FBLN1: variants seen among roughly 807,000 people sequenced by gnomAD.
FBLN1 encodes the protein fibulin-1.
In FBLN1, 34 loss-of-function variants were observed where a neutral mutation model predicts 89.7. The ratio of observed to expected loss-of-function variants is 0.38; its 90% CI spans 0.29 to 0.50. The LOEUF (loss-of-function observed/expected upper bound fraction) is 0.50. Among genes scored for constraint, FBLN1 ranks in the 20% least tolerant of loss-of-function variants. The probability of loss-of-function intolerance (pLI) is 0.92; values close to 1 mark genes in which losing one functional copy is unlikely to be tolerated. For missense variants in FBLN1, 777 were observed against 988.1 expected (o/e 0.79, Z 2.86); for synonymous variants, 393 against 391.3 (o/e 1.00, Z -0.05).
chr22:45,506,309 C>T (rs1218852644), intron 1 of FBLN1, among the ~76,000 whole-genome samples: 8 of 152,204 alleles, frequency 5.3e-5, no homozygotes, highest in Admixed American at 4.6e-4. Context: ...AGCAGAAGGC[C>T]CCATGGGGCT....
chr22:45,510,924 G>T (rs1417631384), intron 1 of FBLN1, among the ~76,000 whole-genome samples: 1 of 152,198 alleles, frequency 6.6e-6, no homozygotes, highest in Non-Finnish European at 1.5e-5. Context: ...ATCTGCACCA[G>T]TTACTCCGGC....
At chr22:45,554,792 C>T (rs145240442) in intron 14 of FBLN1, among the ~76,000 whole-genome samples, 7 of 152,338 alleles carry the variant, frequency 4.6e-5, no homozygotes, top group African/African-American at 1.4e-4. Flanking sequence ...CTCAGGCAGC[C>T]ACCTTCAGAG....
At chr22:45,503,808 C>G (rs1361868088) in intron 1 of FBLN1, among the ~76,000 whole-genome samples, 1 of 152,184 alleles carries the variant, frequency 6.6e-6, no homozygotes, top group Non-Finnish European at 1.5e-5. Flanking sequence ...AAGAGCAGAT[C>G]TGATCGATGG....
At chr22:45,507,531 T>TTTA (rs2088038508) in intron 1 of FBLN1, among the ~76,000 whole-genome samples, 1 of 152,176 alleles carries the variant, frequency 6.6e-6, no homozygotes, top group South Asian at 2.1e-4. Context: ...ATTTTTATTT[T>TTTA]TTATTATTAT....
At position 45,572,383 on chromosome 22, in the gene FBLN1, A is replaced by G. The variant is rs1433919138; in HGVS notation, c.1698-2128A>G. ...TTTCAACAAAGGATAAAAATTGCAG[A>G]GGATCAAACCTCATCGGAGTGGCTT... On this transcript the variant is annotated intron_variant, in intron 14 of 16. Coordinates refer to ENST00000327858, the MANE Select transcript of FBLN1 (RefSeq NM_006486.3). The surrounding 1 kb of genome is among the most constrained non-coding windows in gnomAD (Gnocchi z 5.8). Among the ~76,000 whole-genome samples the G allele has an allele frequency of 6.6e-6, 1 of 152,206 alleles. No homozygotes were observed. The highest frequency in any genetic ancestry group is 1.5e-5 in the Non-Finnish European group (1 of 68,038).
At position 45,550,512 on chromosome 22, in the gene FBLN1, G is replaced by T; in HGVS notation, c.1594G>T (p.Gly532Cys). Residue 532 changes from glycine to cysteine, a missense_variant, in exon 14 of 17, where the codon GGC becomes TGC. By Grantham distance (159) the Gly-to-Cys change is radical. Transcript: ENST00000327858. The surrounding 1 kb of genome is among the most constrained non-coding windows in gnomAD (Gnocchi z 8.4). ...TGCAGACATTGATGAGTGTGTGACT[G>T]GCATCCACAACTGCTCCATCAACGA... Reference protein sequence around the residue: ...NCQDIDECVTGIHNCSINETC... With the variant: ...NCQDIDECVTCIHNCSINETC... 7.4e-6 allele frequency: 12 copies of T among 1,614,086 alleles called. No individual in the cohort carries two copies. Among genetic ancestry groups the T allele is most frequent in the Non-Finnish European group, 1.0e-5 (12 of 1,180,042 alleles).
chr22:45,537,828 G>C lies in FBLN1; in HGVS notation c.922+2491G>C, dbSNP rs972209182. On this transcript the variant is annotated intron_variant, in intron 8 of 16. Coordinates refer to ENST00000327858, the MANE Select transcript of FBLN1 (RefSeq NM_006486.3). This position sits in a 1 kb window ranked among gnomAD's most constrained non-coding sequence, Gnocchi z 5.7. Reference sequence around the variant, plus strand: ...GAGGGGTGGTTTTCGCTCAGCGCAGGGGGTGGTGAGCAGGGAAGCCATGGG... The same window carrying C: ...GAGGGGTGGTTTTCGCTCAGCGCAGCGGGTGGTGAGCAGGGAAGCCATGGG... Among the ~76,000 whole-genome samples the C allele has an allele frequency of 3.3e-5, 5 of 152,296 alleles. No homozygotes were observed. Among genetic ancestry groups the C allele is most frequent in the South Asian group, 4.1e-4 (2 of 4,824 alleles).
chr22:45,577,050 A>C lies in FBLN1; in HGVS notation c.1914A>C (p.Glu638Asp). The C allele has an allele frequency of 1.2e-6, 2 of 1,614,142 alleles. No homozygotes were observed. Among genetic ancestry groups the C allele is most frequent in the South Asian group, 2.2e-5 (2 of 91,084 alleles). ...CTAACATCATCTTCGACATCACGGA[A>C]GGGAACCTGCGGGACTCTTTTGACA... Reference protein sequence around the residue: ...SQANIIFDITEGNLRDSFDII... With the variant: ...SQANIIFDITDGNLRDSFDII... Residue 638 changes from glutamate to aspartate, a missense_variant, in exon 16 of 17, where the codon GAA becomes GAC. Transcript: ENST00000327858. This position sits in a 1 kb window ranked among gnomAD's most constrained non-coding sequence, Gnocchi z 6.6.
intron 14 of FBLN1, among the ~76,000 whole-genome samples, chr22:45,551,920 CCA>C (rs2088707619): frequency 6.6e-6 from 1 of 152,238 alleles, no homozygotes; most frequent in Admixed American, 6.5e-5. Flanking sequence ...AGTCGTGAAA[CCA>C]CCTTTCGAAG....
intron 12 of FBLN1, 101 bp from the exon 13 acceptor site, chr22:45,548,512 C>T (rs934120859): frequency 1.3e-6 from 2 of 1,517,490 alleles, no homozygotes; most frequent in African/African-American, 1.4e-5. Flanking sequence ...TGTGCTGCTG[C>T]CCTCCCGGGC....
chr22:45,544,281 T>G (rs1469909463), intron 11 of FBLN1, among the ~76,000 whole-genome samples: 3 of 152,156 alleles, frequency 2.0e-5, no homozygotes, highest in Admixed American at 6.5e-5. Context: ...GAGACAGGGT[T>G]TCCCCATGTT....
rs145686698 is a variant in FBLN1 at position 45,576,217 on chromosome 22, G to A, written c.1841-760G>A. ...TATTTGCCTTTTGCAAAATGATGGG[G>A]TTTCACCAAACCACATACAAATCCT... On this transcript the variant is annotated intron_variant, in intron 15 of 16. Transcript: ENST00000327858. The surrounding 1 kb of genome is among the most constrained non-coding windows in gnomAD (Gnocchi z 5.2). Among the ~76,000 whole-genome samples the A allele has an allele frequency of 2.0e-5, 3 of 152,188 alleles. No individual in the cohort carries two copies. The highest frequency in any genetic ancestry group is 6.5e-5 in the Admixed American group (1 of 15,282).
chr22:45,581,911 C>G lies in FBLN1; in HGVS notation c.1972+4803C>G, dbSNP rs758033848. On this transcript the variant is annotated intron_variant, in intron 16 of 16. Coordinates refer to ENST00000327858, the MANE Select transcript of FBLN1 (RefSeq NM_006486.3). The surrounding 1 kb of genome is among the most constrained non-coding windows in gnomAD (Gnocchi z 7.6). ...GGTGCAGGGAGGGTCGAGGGGAGGC[C>G]GAAAGGGGCTGCAGGGCCAGGCCTT... Among the ~76,000 whole-genome samples, 19 of 152,040 alleles carry G rather than the reference C, an allele frequency of 1.2e-4. No individual in the cohort carries two copies. Among genetic ancestry groups the G allele is most frequent in the Admixed American group, 3.3e-4 (5 of 15,272 alleles).
intron 14 of FBLN1, among the ~76,000 whole-genome samples, chr22:45,564,176 A>C (rs1227556150): frequency 6.6e-6 from 1 of 151,766 alleles, no homozygotes; most frequent in African/African-American, 2.4e-5. Context: ...GAATACCTCC[A>C]CTGAGGGCCT....
Position 45,575,490 on chromosome 22 carries a change from C to G in FBLN1, c.1840+837C>G, listed in dbSNP as rs1417547134. On this transcript the variant is annotated intron_variant, in intron 15 of 16. Transcript: ENST00000327858. This position sits in a 1 kb window ranked among gnomAD's most constrained non-coding sequence, Gnocchi z 6.3. Reference sequence around the variant, plus strand: ...ACAGGAGGCTAAAACTGGAGTTGGGCCTTCAACCCCCAGGCTTTGGGGGAA... The same window carrying G: ...ACAGGAGGCTAAAACTGGAGTTGGGGCTTCAACCCCCAGGCTTTGGGGGAA... Among the ~76,000 whole-genome samples the G allele has an allele frequency of 6.6e-6, 1 of 151,990 alleles. No individual in the cohort carries two copies. Among genetic ancestry groups the G allele is most frequent in the Non-Finnish European group, 1.5e-5 (1 of 68,008 alleles).
intron 14 of FBLN1, among the ~76,000 whole-genome samples, chr22:45,554,250 A>C (rs1474731184): frequency 6.6e-6 from 1 of 152,206 alleles, no homozygotes; most frequent in Non-Finnish European, 1.5e-5. Context: ...ACCCGGAAGC[A>C]CAGCTCATGG....
Position 45,546,341 on chromosome 22 carries a change from C to T in FBLN1, c.1322-744C>T, listed in dbSNP as rs111944564. ...AAGCAATTCTCCTGCTTCAGCCTCC[C>T]GAGAAGTTGTGACTACAGGTGCGTG... On this transcript the variant is annotated intron_variant, in intron 11 of 16. Transcript: ENST00000327858. Among the ~76,000 whole-genome samples the T allele has an allele frequency of 2.2e-4, 33 of 152,318 alleles. No individual in the cohort carries two copies. The East Asian group carries it at 5.8e-3, about 27-fold the overall frequency.
At chr22:45,582,674 G>A (rs535525649) in intron 16 of FBLN1, among the ~76,000 whole-genome samples, 18 of 152,320 alleles carry the variant, frequency 1.2e-4, no homozygotes, top group African/African-American at 4.1e-4. Context: ...GGAGCTTCAC[G>A]GCTGGGAATG....
intron 16 of FBLN1, among the ~76,000 whole-genome samples, chr22:45,591,255 C>T (rs1294686390): frequency 6.6e-6 from 1 of 152,148 alleles, no homozygotes; most frequent in African/African-American, 2.4e-5. Context: ...CGGTGAGCCC[C>T]CACTGCCTGC....
Sources: gnomAD v4.1 joint callset for allele counts (sites outside exome capture counted in the v4.1 genomes callset) on GRCh38, gnomAD v4.1.1 for gene constraint, Gnocchi (gnomAD v3.1) non-coding constraint, MANE v1.5 for transcripts, NCBI Gene and HGNC (gene_info 2026-07-23, HGNC 2026-07-21) for gene names.